CCSER1: variants seen among roughly 807,000 people sequenced by gnomAD.
CCSER1 encodes the protein coiled-coil serine rich protein 1.
Under a neutral mutation model 82.0 loss-of-function variants are expected in CCSER1, and 41 were observed. The ratio of observed to expected loss-of-function variants is 0.50; its 90% CI spans 0.39 to 0.65. CCSER1 has a LOEUF of 0.65. Ranked by LOEUF, CCSER1 falls within the 30% of genes least tolerant of loss-of-function variation. The probability of loss-of-function intolerance (pLI) is 0.00; values close to 1 mark genes in which losing one functional copy is unlikely to be tolerated. For synonymous variants in CCSER1, 414 were observed against 383.9 expected (o/e 1.08, Z -0.92); for missense variants, 1,119 against 1,064.2 (o/e 1.05, Z -0.72).
chr4:90,664,687 G>A (rs1731402776), intron 6 of CCSER1, among the ~76,000 whole-genome samples: 1 of 152,116 alleles, frequency 6.6e-6, no homozygotes, highest in South Asian at 2.1e-4. Context: ...GATCACCTGA[G>A]GTCAGGAGTT....
intron 4 of CCSER1, among the ~76,000 whole-genome samples, chr4:90,409,086 A>G (rs970611332): frequency 6.6e-6 from 1 of 152,208 alleles, no homozygotes; most frequent in African/African-American, 2.4e-5. Flanking sequence ...GAGAAAAAAG[A>G]ATAAAAAGAA....
intron 5 of CCSER1, among the ~76,000 whole-genome samples, chr4:90,496,015 T>G (rs557122218): frequency 6.6e-6 from 1 of 152,356 alleles, no homozygotes; most frequent in East Asian, 1.9e-4. Flanking sequence ...TATGGTTATT[T>G]GCTCAGAGTT....
intron 6 of CCSER1, among the ~76,000 whole-genome samples, chr4:90,702,736 C>G (rs1580022017): frequency 6.6e-6 from 1 of 152,132 alleles, no homozygotes; most frequent in South Asian, 2.1e-4. Flanking sequence ...TCCATTTCTT[C>G]TAGATTTTCT....
chr4:90,271,826 T>TTATACATATATATA (rs1726339663), intron 1 of CCSER1, among the ~76,000 whole-genome samples: 1 of 42,870 alleles, frequency 2.3e-5, no homozygotes, highest in Non-Finnish European at 4.2e-5. Context: ...ACTGGACAAT[T>TTATACATATATATA]TATATATATA....
intron 10 of CCSER1, among the ~76,000 whole-genome samples, chr4:91,570,184 C>T (rs1000527199): frequency 2.6e-5 from 4 of 152,160 alleles, no homozygotes; most frequent in South Asian, 4.1e-4. Context: ...CAGCTCTGCC[C>T]CTGTGGCTTT....
At position 90,305,105 on chromosome 4, in the gene CCSER1, A is replaced by G. The variant is rs558738600; in HGVS notation, c.-41-3139A>G. ...ATAATTTTTTGTATTTTTAGTAGAG[A>G]CGGGGTTTCACCGTGTTAGCCAGGA... On this transcript the variant is annotated intron_variant, in intron 1 of 10. Transcript: ENST00000509176. 1.2e-4 allele frequency among the ~76,000 whole-genome samples: 18 copies of G among 152,058 alleles called. No individual in the cohort carries two copies. The South Asian group carries it at 3.7e-3, about 32-fold the overall frequency.
At chr4:91,596,860 A>G (rs369014760) in intron 10 of CCSER1, among the ~76,000 whole-genome samples, 1 of 151,848 alleles carries the variant, frequency 6.6e-6, no homozygotes, top group Non-Finnish European at 1.5e-5. Context: ...TGACATCACA[A>G]ACATCAAGAC....
At chr4:91,230,443 T>A (rs552555479) in intron 10 of CCSER1, among the ~76,000 whole-genome samples, 1 of 151,460 alleles carries the variant, frequency 6.6e-6, no homozygotes, top group Non-Finnish European at 1.5e-5. Context: ...CTAACAAAAC[T>A]ATATGCTCAA....
intron 6 of CCSER1, among the ~76,000 whole-genome samples, chr4:90,653,840 G>A (rs1199059839): frequency 6.6e-6 from 1 of 152,130 alleles, no homozygotes; most frequent in African/African-American, 2.4e-5. Context: ...AGAACTACCT[G>A]AGACTGGGTA....
rs1739829728 is a variant in CCSER1, at chr4:90,210,751, C to T, written c.-42+82920C>T. ...TGAACTACCGTGCCTGGCCTGGCGT[C>T]TGCTATCATTTCTAATAAAATAAAA... On this transcript the variant is annotated intron_variant, in intron 1 of 10. Coordinates refer to ENST00000509176, the MANE Select transcript of CCSER1 (RefSeq NM_001145065.2). 1.3e-5 allele frequency among the ~76,000 whole-genome samples: 2 copies of T among 152,140 alleles called. 1 individual carries two copies. The highest frequency in any genetic ancestry group is 4.8e-5 in the African/African-American group (2 of 41,432).
intron 10 of CCSER1, among the ~76,000 whole-genome samples, chr4:91,226,284 G>A (rs1266174018): frequency 1.3e-5 from 2 of 151,858 alleles, no homozygotes; most frequent in Non-Finnish European, 2.9e-5. Flanking sequence ...CATATGGAAA[G>A]GTAGATCAGT....
chr4:90,849,195 A>T (rs1349468288), intron 8 of CCSER1, among the ~76,000 whole-genome samples: 7 of 152,170 alleles, frequency 4.6e-5, no homozygotes, highest in Non-Finnish European at 7.4e-5. Flanking sequence ...GAAAGTTTGG[A>T]ACTTCCTAGA....
At chr4:90,717,989 C>A (rs1741958755) in intron 6 of CCSER1, among the ~76,000 whole-genome samples, 1 of 151,674 alleles carries the variant, frequency 6.6e-6, no homozygotes, top group African/African-American at 2.4e-5. Context: ...GAATAAATGA[C>A]TGAATTTTCA....
chr4:91,166,129 G>C (rs558913854), intron 10 of CCSER1, among the ~76,000 whole-genome samples: 69 of 152,292 alleles, frequency 4.5e-4, no homozygotes, highest in Non-Finnish European at 8.2e-4. Flanking sequence ...AGTTACATCA[G>C]ATACAGAAGT....
At chr4:91,025,939 A>G (rs1740452194) in intron 9 of CCSER1, among the ~76,000 whole-genome samples, 1 of 152,090 alleles carries the variant, frequency 6.6e-6, no homozygotes, top group Non-Finnish European at 1.5e-5. Context: ...ATTGGGCTAG[A>G]TGAAGAGGGA....
In CCSER1 at chr4:90,309,188, G is replaced by A; in HGVS notation, c.904G>A (p.Ala302Thr). 6.2e-7 allele frequency: 1 copy of A among 1,613,906 alleles called. No homozygotes were observed. Among genetic ancestry groups the A allele is most frequent in the South Asian group, 1.1e-5 (1 of 91,082 alleles). Residue 302 changes from alanine (A) to threonine (T), a missense_variant, in exon 2 of 11, where the codon GCT becomes ACT. Ala to Thr is a moderately conservative substitution (Grantham distance 58, BLOSUM62 0). Transcript: ENST00000509176. ...STSQMSLNSAAVTKTTTELTG... is the reference protein window; with the variant it reads ...STSQMSLNSATVTKTTTELTG... Reference sequence around the variant, plus strand: ...CTCTCAGATGTCCCTCAATTCTGCTGCTGTTACAAAGACAACAACAGAACT... The same window carrying A: ...CTCTCAGATGTCCCTCAATTCTGCTACTGTTACAAAGACAACAACAGAACT...
chr4:90,411,502 A>G (rs957270276), intron 4 of CCSER1, among the ~76,000 whole-genome samples: 12 of 152,216 alleles, frequency 7.9e-5, no homozygotes, highest in Non-Finnish European at 1.6e-4. Context: ...CCAGCATATA[A>G]ACAGAACCAA....
At chr4:91,211,042 A>G (rs1404886554) in intron 10 of CCSER1, among the ~76,000 whole-genome samples, 1 of 152,044 alleles carries the variant, frequency 6.6e-6, no homozygotes, top group Admixed American at 6.6e-5. Context: ...AAATGAATAA[A>G]AAACAAATTA....
intron 9 of CCSER1, chr4:91,015,272 A>G (rs1027998699): frequency 6.6e-6 from 1 of 152,124 alleles, no homozygotes; most frequent in African/African-American, 2.4e-5. Context: ...GTAAGGTTAT[A>G]TCAAAAAAGT....
Sources: allele counts gnomAD v4.1 joint callset (sites outside exome capture counted in the v4.1 genomes callset), GRCh38; gene constraint gnomAD v4.1.1; transcripts MANE v1.5; gene names NCBI Gene and HGNC (gene_info 2026-07-23, HGNC 2026-07-21).